Variants in ITGAE observed in about 807,000 individuals in gnomAD.
ITGAE encodes the protein integrin alpha-E.
In ITGAE, 99 loss-of-function variants were observed where a neutral mutation model predicts 136.5. That is an observed-to-expected ratio of 0.73 (90% CI 0.62 to 0.86). The LOEUF (loss-of-function observed/expected upper bound fraction) is 0.86. ITGAE is among the 40% of genes least tolerant of loss of function. ITGAE has a pLI of 0.00. For synonymous variants in ITGAE, 613 were observed against 591.8 expected, an observed-to-expected ratio of 1.04 and a Z score of -0.52; for missense variants, 1,447 against 1,515.3, an observed-to-expected ratio of 0.95 and a Z score of 0.75.
chr17:3,734,700 T>C, intron 21 of ITGAE, 117 bp downstream of exon 21: 13 of 1,264,230 alleles, frequency 1.0e-5, no homozygotes, highest in Non-Finnish European at 1.5e-5. Context: ...CATCTGTTGG[T>C]TGGACCAGGA....
At chr17:3,779,305 TAA>T (rs1239785831) in intron 1 of ITGAE, among the ~76,000 whole-genome samples, 1 of 150,530 alleles carries the variant, frequency 6.6e-6, no homozygotes, top group African/African-American at 2.5e-5. Context: ...GAATTATACT[TAA>T]GTCAGCAATT....
chr17:3,753,539 A>G (rs2051924131), intron 13 of ITGAE, 109 bp from the exon 14 acceptor site: 3 of 1,377,246 alleles, frequency 2.2e-6, no homozygotes, highest in East Asian at 4.6e-5. Flanking sequence ...GGGTCGTTAC[A>G]TATCAATTTG....
intron 19 of ITGAE, among the ~76,000 whole-genome samples, chr17:3,741,383 G>A (rs1486014909): frequency 6.6e-6 from 1 of 151,698 alleles, no homozygotes; most frequent in Admixed American, 6.6e-5. Flanking sequence ...CCCCGCGCCC[G>A]GCCTTTTGTT....
In ITGAE at chr17:3,755,161, G is replaced by A. The variant is rs765369247; in HGVS notation, c.1340C>T (p.Ala447Val). ...SRRGRFLNQT[A>V]AAAADAEAAQ... ...AGCCTCCGCGTCTGCCGCCGCCGCC[G>A]CTGTCTGGTTCAGGAAGCGGCCCCG... Residue 447 changes from alanine to valine, a missense_variant, in exon 12 of 31, where the codon GCG becomes GTG. Physicochemically the swap from Ala to Val is moderately conservative, Grantham distance 64 (BLOSUM62 0). Transcript: ENST00000263087. 43 of 1,556,196 alleles carry A rather than the reference G, an allele frequency of 2.8e-5. No individual in the cohort carries two copies. Among genetic ancestry groups the A allele is most frequent in the Non-Finnish European group, 3.1e-5 (36 of 1,152,794 alleles).
At chr17:3,732,878 C>T (rs1449340014) in intron 21 of ITGAE, among the ~76,000 whole-genome samples, 5 of 152,216 alleles carry the variant, frequency 3.3e-5, no homozygotes, top group Non-Finnish European at 7.3e-5. Flanking sequence ...GGGCTCCCCA[C>T]CTGGACCCCC....
rs2053096149 is a variant in ITGAE, at chr17:3,796,170, C to CGTGTGTGTGTGTTTGTGCATCCGTGT, written c.34+4940_34+4941insACACGGATGCACAAACACACACACAC. 4.4e-4 allele frequency among the ~76,000 whole-genome samples: 56 copies of CGTGTGTGTGTGTTTGTGCATCCGTGT among 127,036 alleles called. 2 individuals carry two copies. Among genetic ancestry groups the CGTGTGTGTGTGTTTGTGCATCCGTGT allele is most frequent in the African/African-American group, 1.5e-3 (51 of 33,712 alleles). 83.3% of individuals were successfully genotyped at this position (127,036 alleles called of 152,430 possible). ...ATCCGTGTGTGTGTGTGTGTGCATCCGTGTGTGTGTGTGTGTGTGTGTGGT... is the reference window on the plus strand; with the variant it reads ...ATCCGTGTGTGTGTGTGTGTGCATCCGTGTGTGTGTGTTTGTGCATCCGTGTGTGTGTGTGTGTGTGTGTGTGTGGT... On this transcript the variant is annotated intron_variant, in intron 1 of 30. Transcript: ENST00000263087.
At position 3,724,791 on chromosome 17, in the gene ITGAE, C is replaced by A. The variant is rs1469485303; in HGVS notation, c.3085-1047G>T. The A allele has an allele frequency of 3.1e-6, 5 of 1,614,092 alleles. No homozygotes were observed. In the African/African-American group the frequency reaches 6.7e-5, roughly 22 times the overall value. On this transcript the variant is annotated intron_variant, in intron 26 of 30. Transcript: ENST00000263087. ...GGGAAATGGACCAGAGGGTCCAGGTCTGTCAAGCACAGGCAAGAGGAGGGC... is the reference window on the plus strand; with the variant it reads ...GGGAAATGGACCAGAGGGTCCAGGTATGTCAAGCACAGGCAAGAGGAGGGC...
intron 2 of ITGAE, among the ~76,000 whole-genome samples, chr17:3,771,636 GT>G (rs1739424525): frequency 1.3e-5 from 2 of 151,458 alleles, no homozygotes; most frequent in South Asian, 4.2e-4. Flanking sequence ...CGCCTCCCGG[GT>G]TCAAGCGATT....
intron 14 of ITGAE, 22 bp from the exon 15 acceptor site, chr17:3,751,896 C>T: frequency 1.2e-6 from 2 of 1,603,492 alleles, no homozygotes; most frequent in Non-Finnish European, 1.7e-6. Context: ...ACAAACAGCT[C>T]AGCCCTCAAG....
intron 1 of ITGAE, among the ~76,000 whole-genome samples, chr17:3,781,179 A>G (rs1220165460): frequency 6.6e-6 from 1 of 152,160 alleles, no homozygotes; most frequent in Non-Finnish European, 1.5e-5. Context: ...CTTCTCACGC[A>G]GCTGTTTGTC....
intron 19 of ITGAE, among the ~76,000 whole-genome samples, chr17:3,742,596 A>G (rs1019579658): frequency 1.3e-5 from 2 of 151,666 alleles, no homozygotes; most frequent in Non-Finnish European, 2.9e-5. Context: ...CTGGAACTAC[A>G]GGCATGCACC....
At chr17:3,768,929 C>T (rs1182316631) in intron 2 of ITGAE, among the ~76,000 whole-genome samples, 1 of 152,194 alleles carries the variant, frequency 6.6e-6, no homozygotes, top group Non-Finnish European at 1.5e-5. Flanking sequence ...TGAGGGGGCT[C>T]ATCTGGGGCA....
At chr17:3,759,634 G>GA (rs1157868802) in intron 7 of ITGAE, 81 bp from the exon 8 acceptor site, 36 of 1,514,936 alleles carry the variant, frequency 2.4e-5, no homozygotes, top group Non-Finnish European at 3.3e-5. Flanking sequence ...GGAAGCAGCA[G>GA]AAAAATCCAC....
chr17:3,729,550 T>C lies in ITGAE; in HGVS notation c.2840A>G (p.Asn947Ser), dbSNP rs758545874. 1.9e-5 allele frequency: 30 copies of C among 1,587,136 alleles called. No homozygotes were observed. The highest frequency in any genetic ancestry group is 8.9e-5 in the South Asian group (8 of 90,332). The change falls in exon 24 of 31, where the codon AAT (asparagine) becomes AGT (serine). Residue 947 changes from asparagine (N) to serine (S), a missense_variant. Coordinates refer to ENST00000263087, the MANE Select transcript of ITGAE (RefSeq NM_002208.5). ...ADITVTVTNS[N>S]ERRSLANETH... ...CTCGTTGGCCAAAGACCGTCTTTCATTGGAACTAGGAATAAGAGTGTTAGT... is the reference window on the plus strand; with the variant it reads ...CTCGTTGGCCAAAGACCGTCTTTCACTGGAACTAGGAATAAGAGTGTTAGT...
chr17:3,801,111 T>C lies in ITGAE; in HGVS notation c.34A>G (p.Ser12Gly). 3 of 1,612,866 alleles carry C rather than the reference T, an allele frequency of 1.9e-6. No homozygotes were observed. Among genetic ancestry groups the C allele is most frequent in the Non-Finnish European group, 2.5e-6 (3 of 1,180,010 alleles). Residue 12 changes from serine to glycine, a missense_variant and splice_region_variant, in exon 1 of 31, where the codon AGC becomes GGC. By Grantham distance (56) the Ser-to-Gly change is moderately conservative (BLOSUM62 0). Around this residue, in one of 3 missense-constraint regions of ITGAE, gnomAD observed 106 missense variants for 87.8 expected, o/e 1.21. Coordinates refer to ENST00000263087, the MANE Select transcript of ITGAE (RefSeq NM_002208.5). ...WLFHTLLCIA[S>G]LALLAAFNVD... ...CGAAGCAGCGGGTGAGAGGACTTAC[T>C]GGCTATGCAGAGCAGAGTGTGGAAG...
At chr17:3,794,353 C>T (rs2053012729) in intron 1 of ITGAE, among the ~76,000 whole-genome samples, 3 of 152,008 alleles carry the variant, frequency 2.0e-5, no homozygotes, top group African/African-American at 7.3e-5. Context: ...TTCCTGGGCT[C>T]AAGTGATCCT....
intron 16 of ITGAE, among the ~76,000 whole-genome samples, 177 bp from the exon 17 acceptor site, chr17:3,748,229 A>G (rs2051768948): frequency 6.6e-6 from 1 of 152,200 alleles, no homozygotes; most frequent in African/African-American, 2.4e-5. Flanking sequence ...GGGAAAGCAG[A>G]CAACAAGCAA....
chr17:3,782,286 A>C (rs1195072285), intron 1 of ITGAE, among the ~76,000 whole-genome samples: 3 of 148,256 alleles, frequency 2.0e-5, no homozygotes, highest in Non-Finnish European at 4.5e-5. Flanking sequence ...AAAAAAAAAA[A>C]AAAAAAAAAA....
intron 2 of ITGAE, among the ~76,000 whole-genome samples, chr17:3,774,973 TTC>T (rs1209446085): frequency 6.6e-6 from 1 of 151,960 alleles, no homozygotes; most frequent in Non-Finnish European, 1.5e-5. Flanking sequence ...CAGGGTCTCG[TTC>T]TGTCACCCAG....
Sources: allele counts gnomAD v4.1 joint callset (sites outside exome capture counted in the v4.1 genomes callset), GRCh38; gene constraint gnomAD v4.1.1; regional missense constraint gnomAD v4.1.1; transcripts MANE v1.5; gene names NCBI Gene and HGNC (gene_info 2026-07-23, HGNC 2026-07-21).